The following MAST3 variants were observed in gnomAD, a reference collection of about 807,000 sequenced individuals.
MAST3 encodes the protein microtubule associated serine/threonine kinase 3, also known as microtubule-associated serine/threonine-protein kinase 3.
In MAST3, 43 loss-of-function variants were observed where a neutral mutation model predicts 127.0. That is an observed-to-expected ratio of 0.34 (90% CI 0.27 to 0.44). MAST3 has a LOEUF of 0.44. Among genes scored for constraint, MAST3 ranks in the 20% least tolerant of loss-of-function variants. MAST3 has a pLI of 1.00. For missense variants in MAST3, 1,390 were observed against 1,919.1 expected, an observed-to-expected ratio of 0.72 and a Z score of 5.15; for synonymous variants, 785 against 809.2, an observed-to-expected ratio of 0.97 and a Z score of 0.51.
rs3048876 is a variant in MAST3 at position 18,116,090 on chromosome 19, C to CTTTTTTTTTTTTTTTTTTTTTT, written c.161+5370_161+5371insTTTTTTTTTTTTTTTTTTTTTT. Reference sequence around the variant, plus strand: ...TCTCAGCCTTGGTATTTGAAATTATCTTTTTTTTTTTTTTTTTTTTTGAGA... The same window carrying CTTTTTTTTTTTTTTTTTTTTTT: ...TCTCAGCCTTGGTATTTGAAATTATCTTTTTTTTTTTTTTTTTTTTTTTTTTTTTTTTTTTTTTTTTTTGAGA... On this transcript the variant is annotated intron_variant, in intron 3 of 27. Transcript: ENST00000687212. Among the ~76,000 whole-genome samples, 27 of 86,350 alleles carry CTTTTTTTTTTTTTTTTTTTTTT rather than the reference C, an allele frequency of 3.1e-4. 4 individuals are homozygous for CTTTTTTTTTTTTTTTTTTTTTT. Among genetic ancestry groups the CTTTTTTTTTTTTTTTTTTTTTT allele is most frequent in the African/African-American group, 1.3e-3 (23 of 18,378 alleles). The allele number at this position is 86,350 out of a possible 152,430, so 56.6% of individuals were successfully genotyped here. A position where few individuals can be genotyped will look rare whatever the true frequency, so the allele number is the denominator to read the frequency against.
Position 18,107,516 on chromosome 19 carries a change from G to A in MAST3, c.40-71G>A, listed in dbSNP as rs1205872336. On this transcript the variant is annotated intron_variant, in intron 1 of 27. Transcript: ENST00000687212. The stretch of plus-strand genomic sequence containing the variant: ...GGGGCATGGGATTGGGGATTGTGGG[G>A]GTGCATCAACGGCCAGGGGTTCTGA... 3.5e-6 allele frequency: 5 copies of A among 1,421,776 alleles called. No individual in the cohort carries two copies. In the Admixed American group the frequency reaches 8.4e-5, roughly 24 times the overall value. The allele number at this position is 1,421,776 out of a possible 1,614,324, so 88.1% of individuals were successfully genotyped here.
In MAST3 at chr19:18,147,021, C is replaced by T. The variant is rs377181632; in HGVS notation, c.3303C>T (p.Cys1101=). 260 of 1,569,320 alleles carry T rather than the reference C, an allele frequency of 1.7e-4. No homozygotes were observed. The highest frequency in any genetic ancestry group is 2.1e-4 in the Non-Finnish European group (243 of 1,157,612). ...GTCGGCGGGAGACCCAGGATCGGTG[C>T]GCGGCAGTGACCACCAGGGAGCGGT... The part of the protein sequence containing the change: ...RSRRRETQDR[C]AAVTTRERRK... Residue 1101 remains cysteine, a synonymous_variant, in exon 26 of 28, where the codon TGC becomes TGT. Transcript: ENST00000687212.
intron 3 of MAST3, among the ~76,000 whole-genome samples, chr19:18,119,097 G>C (rs12460575): frequency 0.11 from 16,877 of 152,156 alleles, 1,205 homozygotes; most frequent in East Asian, 0.16. Context: ...GCAACTTCTC[G>C]AGGTCCTGGA....
At position 18,138,940 on chromosome 19, in the gene MAST3, T is replaced by C. The variant is rs905355342; in HGVS notation, c.2096-75T>C. 1.0e-5 allele frequency: 10 copies of C among 994,684 alleles called. No homozygotes were observed. The African/African-American group carries it at 1.6e-4, about 16-fold the overall frequency. 61.6% of individuals were successfully genotyped at this position (994,684 alleles called of 1,614,324 possible). A position where few individuals can be genotyped will look rare whatever the true frequency, so the allele number is the denominator to read the frequency against. ...GCAGTGACCCTATCCTGAGATGCCC[T>C]CCCCGTATTGCCACACCGCCCTTGA... is the stretch of plus-strand genomic sequence containing the variant. On this transcript the variant is annotated intron_variant, in intron 19 of 27. Coordinates refer to ENST00000687212, the MANE Select transcript of MAST3 (RefSeq NM_001393504.1).
intron 21 of MAST3, among the ~76,000 whole-genome samples, chr19:18,142,377 A>C (rs2042588431): frequency 8.1e-6 from 1 of 123,848 alleles, no homozygotes; most frequent in Admixed American, 9.2e-5. Flanking sequence ...TTTGAGACGG[A>C]GTCTCGCTCT....
chr19:18,110,037 T>G lies in MAST3; in HGVS notation c.72-615T>G. Reference sequence around the variant, plus strand: ...CCCAAGCCGGCGGCCTCGGCGTCCCTGCGGCAGACAGGGCGGCACCCGCGG... The same window carrying G: ...CCCAAGCCGGCGGCCTCGGCGTCCCGGCGGCAGACAGGGCGGCACCCGCGG... On this transcript the variant is annotated intron_variant, in intron 2 of 27. Coordinates refer to ENST00000687212, the MANE Select transcript of MAST3 (RefSeq NM_001393504.1). The surrounding 1 kb of genome is among the most constrained non-coding windows in gnomAD (Gnocchi z 4.3). 1 of 985,278 alleles carries G rather than the reference T, an allele frequency of 1.0e-6. No homozygotes were observed. The highest frequency in any genetic ancestry group is 1.2e-6 in the Non-Finnish European group (1 of 829,902). The allele number at this position is 985,278 out of a possible 1,614,324, so 61.0% of individuals were successfully genotyped here.
intron 2 of MAST3, among the ~76,000 whole-genome samples, chr19:18,109,235 A>C (rs2038310773): frequency 6.6e-6 from 1 of 152,006 alleles, no homozygotes; most frequent in African/African-American, 2.4e-5. Flanking sequence ...CAGAAGGAGG[A>C]GGTCCTGGGA....
intron 3 of MAST3, among the ~76,000 whole-genome samples, chr19:18,114,408 C>T (rs1034870710): frequency 3.9e-5 from 6 of 152,018 alleles, no homozygotes; most frequent in African/African-American, 1.2e-4. Context: ...AGGCTGGTCT[C>T]GAACTCCTGA....
At chr19:18,120,970 C>A (rs2039900347) in intron 3 of MAST3, among the ~76,000 whole-genome samples, 1 of 152,164 alleles carries the variant, frequency 6.6e-6, no homozygotes, top group African/African-American at 2.4e-5. Context: ...ATCTACCCAC[C>A]TCGGCCTCCC....
At chr19:18,118,995 G>T (rs146596556) in intron 3 of MAST3, among the ~76,000 whole-genome samples, 61 of 152,276 alleles carry the variant, frequency 4.0e-4, no homozygotes, top group Admixed American at 1.8e-3. Flanking sequence ...GTGCCAGAGG[G>T]ATGAGGTGCA....
intron 20 of MAST3, among the ~76,000 whole-genome samples, chr19:18,139,355 C>T (rs536924591): frequency 5.9e-5 from 9 of 151,902 alleles, no homozygotes; most frequent in African/African-American, 1.9e-4. Flanking sequence ...GATGGAGTCT[C>T]GCTCTGTTGC....
chr19:18,124,933 C>CA (rs1031616873), intron 11 of MAST3, among the ~76,000 whole-genome samples, 159 bp downstream of exon 11: 128 of 135,942 alleles, frequency 9.4e-4, no homozygotes, highest in African/African-American at 3.4e-3. Flanking sequence ...TGGTGGAAAC[C>CA]CCCCCCCTAC....
chr19:18,123,489 C>G, intron 7 of MAST3, 91 bp from the exon 8 acceptor site: 1 of 1,472,826 alleles, frequency 6.8e-7, no homozygotes, highest in Non-Finnish European at 9.1e-7. Context: ...GCCTCTGATT[C>G]TTGTCCCTCA....
chr19:18,113,754 G>C (rs751633587), intron 3 of MAST3, among the ~76,000 whole-genome samples: 1 of 151,750 alleles, frequency 6.6e-6, no homozygotes. Context: ...GAGCCACTGC[G>C]CCTGGCCTGA....
intron 13 of MAST3, chr19:18,129,217 T>C (rs2147338436): frequency 4.0e-6 from 2 of 504,356 alleles, no homozygotes; most frequent in South Asian, 2.5e-5. Flanking sequence ...ATCAAGGAAA[T>C]AGATGCCCAC....
At chr19:18,118,740 G>A (rs909483964) in intron 3 of MAST3, among the ~76,000 whole-genome samples, 1 of 152,288 alleles carries the variant, frequency 6.6e-6, no homozygotes, top group African/African-American at 2.4e-5. Context: ...TTCCCCTTTT[G>A]AAAAGCAGAG....
At position 18,147,494 on chromosome 19, in the gene MAST3, C is replaced by T; in HGVS notation, c.3378C>T (p.Thr1126=). 6.2e-7 allele frequency: 1 copy of T among 1,613,340 alleles called. No individual in the cohort carries two copies. Among genetic ancestry groups the T allele is most frequent in the Non-Finnish European group, 8.5e-7 (1 of 1,179,654 alleles). Residue 1126 remains threonine (T), a synonymous_variant, in exon 27 of 28, where the codon ACC becomes ACT. Coordinates refer to ENST00000687212, the MANE Select transcript of MAST3 (RefSeq NM_001393504.1). The part of the protein sequence containing the change: ...KISKQTSVLH[T]SRSFSSGLHH... ...CCAAGCAGACCTCCGTGCTGCACAC[C>T]AGCCGCAGCTTCTCCTCCGGACTCC...
chr19:18,142,844 C>A (rs1197784947), intron 21 of MAST3, among the ~76,000 whole-genome samples: 1 of 151,898 alleles, frequency 6.6e-6, no homozygotes. Context: ...GGTGCAGTGA[C>A]TTACACCTGT....
chr19:18,104,978 G>A (rs941799898), intron 1 of MAST3, among the ~76,000 whole-genome samples: 1 of 152,172 alleles, frequency 6.6e-6, no homozygotes, highest in Non-Finnish European at 1.5e-5. Context: ...CAAATAATTT[G>A]CATGGCCAGG....
Sources: allele counts gnomAD v4.1 joint callset (sites outside exome capture counted in the v4.1 genomes callset), GRCh38; gene constraint gnomAD v4.1.1; non-coding constraint Gnocchi (gnomAD v3.1); transcripts MANE v1.5; gene names NCBI Gene and HGNC (gene_info 2026-07-23, HGNC 2026-07-21).